The following SF3B2 variants were observed in gnomAD, a reference collection of about 807,000 sequenced individuals.
SF3B2 encodes the protein SAP 145.
In SF3B2, 22 loss-of-function variants were observed where a neutral mutation model predicts 116.3. The observed-to-expected ratio is 0.19, with a 90% CI of 0.14 to 0.27. SF3B2 has a LOEUF of 0.27. Among genes scored for constraint, SF3B2 ranks in the 10% least tolerant of loss-of-function variants. The pLI is 1.00. For missense variants in SF3B2, 767 were observed against 1,151.4 expected, an observed-to-expected ratio of 0.67 and a Z score of 4.83; for synonymous variants, 406 against 421.6, an observed-to-expected ratio of 0.96 and a Z score of 0.45.
intron 19 of SF3B2, chr11:66,064,809 C>G (rs1033781975): frequency 6.6e-6 from 1 of 152,000 alleles, no homozygotes; most frequent in Non-Finnish European, 1.5e-5. Flanking sequence ...TAGTGAGACC[C>G]CATTTCTACA....
chr11:66,060,868 C>T lies in SF3B2; in HGVS notation c.1779+137C>T, dbSNP rs181018200. On this transcript the variant is annotated intron_variant, in intron 14 of 21. Coordinates refer to ENST00000322535, the MANE Select transcript of SF3B2 (RefSeq NM_006842.3). Reference sequence around the variant, plus strand: ...AGGCTGGAGTGCAGTGGTGGGATCTCGGCTCACTGTAACCTCTGCCTTGGG... The same window carrying T: ...AGGCTGGAGTGCAGTGGTGGGATCTTGGCTCACTGTAACCTCTGCCTTGGG... The T allele has an allele frequency of 1.3e-4, 124 of 919,492 alleles. No individual in the cohort carries two copies. The East Asian group carries it at 2.8e-3, about 21-fold the overall frequency. The allele number at this position is 919,492 out of a possible 1,614,324, so 57.0% of individuals were successfully genotyped here. A position where few individuals can be genotyped will look rare whatever the true frequency, so the allele number is the denominator to read the frequency against.
At chr11:66,064,519 T>C (rs932329304) in intron 19 of SF3B2, 3 of 152,250 alleles carry the variant, frequency 2.0e-5, no homozygotes, top group Non-Finnish European at 4.4e-5. Context: ...TATATAGTTA[T>C]TATTTTTGTT....
In SF3B2 at chr11:66,055,516, A is replaced by G; in HGVS notation, c.499-19A>G. The stretch of plus-strand genomic sequence containing the variant: ...GTGTTGGGTATTGGTGCTGGTATGA[A>G]CTTGTTTTCTTTTTTAAGCAGGGAG... On this transcript the variant is annotated intron_variant, in intron 4 of 21. Transcript: ENST00000322535. The G allele has an allele frequency of 3.1e-6, 5 of 1,614,058 alleles. No individual in the cohort carries two copies. In the South Asian group the frequency reaches 4.4e-5, roughly 14 times the overall value.
At chr11:66,064,524 TTTG>T (rs1176176766) in intron 19 of SF3B2, 1 of 152,246 alleles carries the variant, frequency 6.6e-6, no homozygotes, top group Non-Finnish European at 1.5e-5. Flanking sequence ...AGTTATTATT[TTTG>T]TTTAAATGGT....
chr11:66,052,605 A>G (rs1590706001), intron 1 of SF3B2, 68 bp from the exon 2 acceptor site: 1 of 1,590,958 alleles, frequency 6.3e-7, no homozygotes, highest in Non-Finnish European at 8.6e-7. Context: ...CGAGGGGCGG[A>G]GGCAGGCCGC....
chr11:66,055,817 G>T, intron 5 of SF3B2: 2 of 509,824 alleles, frequency 3.9e-6, no homozygotes, highest in Non-Finnish European at 6.8e-6. Context: ...ATTTTTTAAG[G>T]GTTATAAGAA....
chr11:66,061,806 G>A (rs1857104047), intron 15 of SF3B2, 31 bp downstream of exon 15: 3 of 1,607,568 alleles, frequency 1.9e-6, no homozygotes, highest in Admixed American at 3.3e-5. Flanking sequence ...TGGGGAAGCA[G>A]CGAAGAGGCT....
rs1178499528 is a variant in SF3B2, at chr11:66,059,518, A to C, written c.1324A>C (p.Lys442Gln). Reference sequence around the variant, plus strand: ...AGGGCTGATTGTTCTGTTCTAGGAAAAGAAGCCAGAAGCCCCCAAGCTGTC... The same window carrying C: ...AGGGCTGATTGTTCTGTTCTAGGAACAGAAGCCAGAAGCCCCCAAGCTGTC... ...DDDSSDDEQE[K>Q]KPEAPKLSKK... Residue 442 changes from lysine (K) to glutamine (Q), a missense_variant, in exon 12 of 22, where the codon AAG (lysine) becomes CAG (glutamine). Around this residue, in one of 4 missense-constraint regions of SF3B2, gnomAD observed 282 missense variants for 568.0 expected, o/e 0.50. Coordinates refer to ENST00000322535, the MANE Select transcript of SF3B2 (RefSeq NM_006842.3). This position sits in a 1 kb window ranked among gnomAD's most constrained non-coding sequence, Gnocchi z 5.0. 1.2e-6 allele frequency: 2 copies of C among 1,613,934 alleles called. No individual in the cohort carries two copies. Among genetic ancestry groups the C allele is most frequent in the African/African-American group, 2.7e-5 (2 of 74,878 alleles).
chr11:66,053,142 T>G (rs1856919011), intron 3 of SF3B2, 38 bp downstream of exon 3: 2 of 1,574,924 alleles, frequency 1.3e-6, no homozygotes, highest in Non-Finnish European at 1.7e-6. Flanking sequence ...TTCCATCTGC[T>G]GATCCTTTTG....
At chr11:66,065,643 CTCT>C (rs1464748208) in intron 19 of SF3B2, 2 of 152,168 alleles carry the variant, frequency 1.3e-5, no homozygotes, top group East Asian at 3.9e-4. Flanking sequence ...CTCACTGATG[CTCT>C]TCATTTTTAA....
chr11:66,054,083 G>A (rs1856946746), intron 3 of SF3B2: 1 of 151,476 alleles, frequency 6.6e-6, no homozygotes, highest in African/African-American at 2.4e-5. Flanking sequence ...TTGGGAGGCT[G>A]AGGCAGGAGA....
At position 66,056,891 on chromosome 11, in the gene SF3B2, C is replaced by T. The variant is rs200673814; in HGVS notation, c.603C>T (p.Thr201=). 1 of 1,614,126 alleles carries T rather than the reference C, an allele frequency of 6.2e-7. No individual in the cohort carries two copies. The highest frequency in any genetic ancestry group is 2.2e-5 in the East Asian group (1 of 44,880). Residue 201 remains threonine (T), a synonymous_variant, in exon 6 of 22, where the codon ACC becomes ACT. Transcript: ENST00000322535. ...AGCAGGAGATTGCCAAGATGGGCACCCCAGTCCCTCGGCCCCCACAAGACA... is the reference window on the plus strand; with the variant it reads ...AGCAGGAGATTGCCAAGATGGGCACTCCAGTCCCTCGGCCCCCACAAGACA... The part of the protein sequence containing the change: ...ERQQEIAKMG[T]PVPRPPQDMG...
At chr11:66,065,255 A>G (rs901911543) in intron 19 of SF3B2, 2 of 152,186 alleles carry the variant, frequency 1.3e-5, no homozygotes, top group Non-Finnish European at 2.9e-5. Flanking sequence ...TACATGTGTG[A>G]GTGACCGCAT....
In SF3B2 at chr11:66,063,620, C is replaced by G. The variant is rs918113451; in HGVS notation, c.2229-8C>G. ...TCTTTACTCCAGAGCTTGTTCCTCT[C>G]TTTACAGTGGCCTTATCACTCCTGG... is the stretch of plus-strand genomic sequence containing the variant. On this transcript the variant is annotated splice_polypyrimidine_tract_variant and splice_region_variant and intron_variant, in intron 18 of 21. Coordinates refer to ENST00000322535, the MANE Select transcript of SF3B2 (RefSeq NM_006842.3). 6.2e-7 allele frequency: 1 copy of G among 1,611,600 alleles called. No individual in the cohort carries two copies. The highest frequency in any genetic ancestry group is 1.3e-5 in the African/African-American group (1 of 74,842).
At chr11:66,052,804 T>C in intron 2 of SF3B2, 85 bp downstream of exon 2, 1 of 1,447,232 alleles carries the variant, frequency 6.9e-7, no homozygotes, top group Non-Finnish European at 9.4e-7. Context: ...TCTTCATTCT[T>C]TCTTTATCTC....
At chr11:66,067,272 TTAGGTC>T (rs1857204944) in intron 19 of SF3B2, 1 of 391,856 alleles carries the variant, frequency 2.6e-6, no homozygotes, top group Admixed American at 2.9e-5. Context: ...TATGAACCCT[TTAGGTC>T]ATGGTAAGGA....
At chr11:66,060,501 C>G (rs1182966905) in intron 13 of SF3B2, 81 bp from the exon 14 acceptor site, 2 of 1,525,978 alleles carry the variant, frequency 1.3e-6, no homozygotes, top group African/African-American at 2.8e-5. Flanking sequence ...TTCCCATGAT[C>G]TCATTTGGAG....
intron 19 of SF3B2, chr11:66,067,106 A>AT (rs1040851290): frequency 8.9e-5 from 20 of 223,934 alleles, no homozygotes; most frequent in Admixed American, 2.6e-4. Context: ...TATTTTGCCC[A>AT]TTTTTTTTGG....
intron 19 of SF3B2, 34 bp downstream of exon 19, chr11:66,063,763 C>A: frequency 1.3e-6 from 2 of 1,495,066 alleles, no homozygotes; most frequent in South Asian, 1.3e-5. Flanking sequence ...GAGGGGAGGA[C>A]CTTCACTTCC....
Sources: allele counts gnomAD v4.1 joint callset, GRCh38; gene constraint gnomAD v4.1.1; regional missense constraint gnomAD v4.1.1; non-coding constraint Gnocchi (gnomAD v3.1); transcripts MANE v1.5; gene names NCBI Gene and HGNC (gene_info 2026-07-23, HGNC 2026-07-21).